The following RNF125 variants were observed in gnomAD, a reference collection of about 807,000 sequenced individuals.
RNF125 encodes the protein E3 ubiquitin-protein ligase RNF125.
Under a neutral mutation model 26.0 loss-of-function variants are expected in RNF125, and 21 were observed. That is an observed-to-expected ratio of 0.81 (90% confidence interval 0.57 to 1.16). The LOEUF is 1.16. Ranked by LOEUF, RNF125 falls within the 50% of genes most tolerant of loss-of-function variation. The pLI is 0.00. For missense variants in RNF125, 270 were observed against 299.4 expected, an observed-to-expected ratio of 0.90 and a Z score of 0.72; for synonymous variants, 95 against 109.2, an observed-to-expected ratio of 0.87 and a Z score of 0.81.
downstream of RNF125, chr18:32,076,324 G>GTTT: frequency 7.4e-6 from 2 of 270,236 alleles, no homozygotes; most frequent in Non-Finnish European, 1.4e-5. Flanking sequence ...TTGTTTTTTT[G>GTTT]TTTTTTTTTT....
chr18:32,086,719 G>A, the RNF125 span, among the ~76,000 whole-genome samples: 1 of 151,972 alleles, frequency 6.6e-6, no homozygotes, highest in Non-Finnish European at 1.5e-5. Flanking sequence ...AGGTTTCTCC[G>A]TGTTGGTCAG....
At chr18:32,026,966 A>G (rs2039042626) in intron 1 of RNF125, among the ~76,000 whole-genome samples, 1 of 152,252 alleles carries the variant, frequency 6.6e-6, no homozygotes, top group Non-Finnish European at 1.5e-5. Flanking sequence ...TTGTCTGGCC[A>G]TATTCTCTAG....
intron 1 of RNF125, 123 bp from the exon 2 acceptor site, chr18:32,036,993 T>C: frequency 2.5e-6 from 2 of 813,686 alleles, no homozygotes; most frequent in Non-Finnish European, 3.9e-6. Context: ...GGACCTGTAA[T>C]TTGGTAGTAT....
chr18:32,025,655 ACT>A (rs1402001808), intron 1 of RNF125, among the ~76,000 whole-genome samples: 2 of 133,258 alleles, frequency 1.5e-5, no homozygotes, highest in Admixed American at 7.6e-5. Context: ...CAAGAGTGAA[ACT>A]CTGTCTCAAA....
the RNF125 span, among the ~76,000 whole-genome samples, chr18:32,079,346 T>A: frequency 1.1e-4 from 17 of 152,214 alleles, no homozygotes; most frequent in Non-Finnish European, 2.4e-4. Context: ...CATCTTCAAA[T>A]ACTATCAAAT....
chr18:32,049,062 G>T lies in RNF125; in HGVS notation c.504+3330G>T, dbSNP rs1057032432. On this transcript the variant is annotated intron_variant, in intron 4 of 5. Coordinates refer to ENST00000217740, the MANE Select transcript of RNF125 (RefSeq NM_017831.4). ...GGCTGCATCTAAGCAGCAATCTGGG[G>T]CAGGCCGTGTACTGGTCAGTTCCGT... Among the ~76,000 whole-genome samples, 10 of 152,182 alleles carry T rather than the reference G, an allele frequency of 6.6e-5. No individual in the cohort carries two copies. The South Asian group carries it at 2.1e-3, about 31-fold the overall frequency.
At chr18:32,050,414 G>C (rs60790636) in intron 4 of RNF125, among the ~76,000 whole-genome samples, 13,947 of 152,132 alleles carry the variant, frequency 0.092, 2,083 homozygotes, top group African/African-American at 0.32. Flanking sequence ...TGAACTCCTG[G>C]GCTCAAGTGA....
intron 2 of RNF125, chr18:32,041,961 A>G: frequency 2.0e-6 from 1 of 497,834 alleles, no homozygotes; most frequent in Non-Finnish European, 3.6e-6. Flanking sequence ...CAAATTCAAG[A>G]ACTTAACAGT....
intron 1 of RNF125, among the ~76,000 whole-genome samples, chr18:32,020,841 A>T (rs770763676): frequency 4.6e-5 from 7 of 151,600 alleles, no homozygotes; most frequent in Non-Finnish European, 7.4e-5. Flanking sequence ...CCTGGGAGGC[A>T]GAGGTTGCAG....
intron 4 of RNF125, among the ~76,000 whole-genome samples, chr18:32,054,571 T>G (rs893075170): frequency 1.3e-5 from 2 of 152,198 alleles, no homozygotes; most frequent in Non-Finnish European, 2.9e-5. Flanking sequence ...TATCAGAATT[T>G]AGGGAAGGAA....
intron 1 of RNF125, 55 bp from the exon 2 acceptor site, chr18:32,037,061 G>A: frequency 6.7e-7 from 1 of 1,485,126 alleles, no homozygotes; most frequent in Non-Finnish European, 9.1e-7. Flanking sequence ...ATACATGGTG[G>A]TGGCTCCTTA....
intron 1 of RNF125, among the ~76,000 whole-genome samples, chr18:32,023,483 G>T (rs887516943): frequency 5.3e-5 from 8 of 152,084 alleles, no homozygotes; most frequent in African/African-American, 1.9e-4. Flanking sequence ...CATACCGCAA[G>T]GTCAGGATTT....
downstream of RNF125, among the ~76,000 whole-genome samples, chr18:32,075,307 C>T (rs145264338): frequency 0.01 from 1,524 of 152,294 alleles, 24 homozygotes; most frequent in African/African-American, 0.034. Context: ...CCTGTAATCC[C>T]TGCATTTTGG....
intron 4 of RNF125, among the ~76,000 whole-genome samples, chr18:32,065,418 A>T (rs1291098743): frequency 6.6e-6 from 1 of 151,894 alleles, no homozygotes; most frequent in African/African-American, 2.4e-5. Context: ...TTGTATTTTT[A>T]GTAGAGACAG....
chr18:32,040,680 A>G (rs920277154), intron 2 of RNF125, among the ~76,000 whole-genome samples: 2 of 152,296 alleles, frequency 1.3e-5, no homozygotes, highest in East Asian at 3.9e-4. Flanking sequence ...GCCATTTTTT[A>G]TAATGTTTCA....
At chr18:32,039,269 C>T (rs9964640) in intron 2 of RNF125, among the ~76,000 whole-genome samples, 6,397 of 151,758 alleles carry the variant, frequency 0.042, 456 homozygotes, top group African/African-American at 0.15. Flanking sequence ...TAGTGGTATA[C>T]GCCTGTAGTC....
intron 5 of RNF125, among the ~76,000 whole-genome samples, chr18:32,067,308 T>C (rs1489505656): frequency 1.3e-5 from 2 of 152,210 alleles, no homozygotes; most frequent in African/African-American, 2.4e-5. Context: ...AGGTCGATTC[T>C]ATGGCTGTTC....
At chr18:32,040,588 T>G (rs1408131061) in intron 2 of RNF125, among the ~76,000 whole-genome samples, 1 of 152,156 alleles carries the variant, frequency 6.6e-6, no homozygotes, top group Admixed American at 6.6e-5. Context: ...AAACAATTCC[T>G]TATCTACTTG....
At chr18:32,068,004 A>G (rs1361839502) in intron 5 of RNF125, among the ~76,000 whole-genome samples, 4 of 152,246 alleles carry the variant, frequency 2.6e-5, no homozygotes, top group Admixed American at 6.5e-5. Context: ...CACTCTGACC[A>G]GGATTTGTAA....
Sources: gnomAD v4.1 joint callset for allele counts (sites outside exome capture counted in the v4.1 genomes callset) on GRCh38, gnomAD v4.1.1 for gene constraint, MANE v1.5 for transcripts, NCBI Gene and HGNC (gene_info 2026-07-23, HGNC 2026-07-21) for gene names.